DLG2: variants seen among roughly 807,000 people sequenced by gnomAD.
DLG2 encodes the protein discs large MAGUK scaffold protein 2.
In DLG2, 45 loss-of-function variants were observed where a neutral mutation model predicts 132.5. The observed-to-expected ratio is 0.34, with a 90% CI of 0.27 to 0.44. The LOEUF (loss-of-function observed/expected upper bound fraction) is 0.44, where lower values mean the gene tolerates loss of function less well. Ranked by LOEUF, DLG2 falls within the 20% of genes least tolerant of loss-of-function variation. The pLI, the probability that DLG2 is intolerant of heterozygous loss-of-function variation, is 1.00. For synonymous variants in DLG2, 424 were observed against 419.6 expected (o/e 1.01, Z -0.13); for missense variants, 1,045 against 1,196.9 (o/e 0.87, Z 1.87).
chr11:83,696,972 A>C (rs1239325930), intron 18 of DLG2, among the ~76,000 whole-genome samples: 1 of 152,242 alleles, frequency 6.6e-6, no homozygotes, highest in African/African-American at 2.4e-5. Context: ...TGCTGCTAAA[A>C]GCACCTTCAG....
Position 84,038,898 on chromosome 11 carries a change from T to G in DLG2, c.919+20417A>C, listed in dbSNP as rs186338046. ...GGGGAAAAACCCCTTATAAAACCAT[T>G]AGATCTTGTAAGAACTCACTCAATA... On this transcript the variant is annotated intron_variant, in intron 11 of 27. Coordinates refer to ENST00000376104, the MANE Select transcript of DLG2 (RefSeq NM_001142699.3). Among the ~76,000 whole-genome samples, 7 of 152,054 alleles carry G rather than the reference T, an allele frequency of 4.6e-5. No homozygotes were observed. The East Asian group carries it at 1.4e-3, about 30-fold the overall frequency.
chr11:84,880,924 T>C (rs1247690471), intron 6 of DLG2, among the ~76,000 whole-genome samples: 1 of 152,170 alleles, frequency 6.6e-6, no homozygotes, highest in Non-Finnish European at 1.5e-5. Context: ...GAGCACCTAT[T>C]ATGCAAGGCA....
intron 6 of DLG2, among the ~76,000 whole-genome samples, chr11:84,988,237 A>G (rs1346125371): frequency 6.6e-6 from 1 of 152,158 alleles, no homozygotes; most frequent in Non-Finnish European, 1.5e-5. Context: ...AAAAATAAAA[A>G]CAGATGTTGG....
At chr11:84,810,293 G>A (rs552858884) in intron 6 of DLG2, among the ~76,000 whole-genome samples, 99 of 152,186 alleles carry the variant, frequency 6.5e-4, no homozygotes, top group Non-Finnish European at 1.1e-3. Flanking sequence ...GAAATTAGGT[G>A]AAGATAGGAA....
Position 83,795,416 on chromosome 11 carries a change from A to AAAATCT in DLG2, c.1723-8625_1723-8624insAGATTT, listed in dbSNP as rs1555409459. Among the ~76,000 whole-genome samples the AAAATCT allele has an allele frequency of 2.2e-5, 3 of 136,254 alleles. No homozygotes were observed. In the East Asian group the frequency reaches 6.7e-4, roughly 30 times the overall value. The allele number at this position is 136,254 out of a possible 152,430, so 89.4% of individuals were successfully genotyped here. On this transcript the variant is annotated intron_variant, in intron 17 of 27. Coordinates refer to ENST00000376104, the MANE Select transcript of DLG2 (RefSeq NM_001142699.3). ...GAGTGAGACTCTTTATAAGAAAAAAAATATCTATATCTATATCTATATCTA... is the reference window on the plus strand; with the variant it reads ...GAGTGAGACTCTTTATAAGAAAAAAAAAATCTATATCTATATCTATATCTATATCTA...
chr11:84,945,721 TGAGA>T (rs1372940539), intron 6 of DLG2, among the ~76,000 whole-genome samples: 2 of 152,080 alleles, frequency 1.3e-5, no homozygotes, highest in Non-Finnish European at 2.9e-5. Context: ...TGCCTGTGGT[TGAGA>T]AAGAGGAAAC....
At chr11:83,935,528 G>T (rs1057134418) in intron 14 of DLG2, among the ~76,000 whole-genome samples, 1 of 152,136 alleles carries the variant, frequency 6.6e-6, no homozygotes, top group African/African-American at 2.4e-5. Context: ...TGTTATACAG[G>T]CCTTAAAGTA....
chr11:85,083,723 G>C (rs2067542822), intron 6 of DLG2, among the ~76,000 whole-genome samples: 1 of 152,086 alleles, frequency 6.6e-6, no homozygotes, highest in Non-Finnish European at 1.5e-5. Context: ...GAGAGTATGT[G>C]GGTTAAGATG....
chr11:85,261,828 G>A (rs774092153), intron 4 of DLG2, among the ~76,000 whole-genome samples: 12 of 152,076 alleles, frequency 7.9e-5, no homozygotes, highest in Non-Finnish European at 1.6e-4. Context: ...ATAAGGAGGC[G>A]GCCCTTAAAA....
intron 6 of DLG2, among the ~76,000 whole-genome samples, chr11:84,925,815 C>A (rs1290247130): frequency 1.3e-5 from 2 of 152,032 alleles, no homozygotes; most frequent in Non-Finnish European, 2.9e-5. Context: ...TAATGATGAA[C>A]CCTGCCATCA....
intron 18 of DLG2, among the ~76,000 whole-genome samples, chr11:83,648,313 G>T (rs956134153): frequency 2.6e-5 from 4 of 152,138 alleles, no homozygotes; most frequent in Non-Finnish European, 4.4e-5. Flanking sequence ...GAAGCATTGG[G>T]TAGACTAGAA....
In DLG2 at chr11:84,387,281, C is replaced by A. The variant is rs1193319009; in HGVS notation, c.520-135990G>T. ...ATAATACAGCAAAGGTGATGGATGT[C>A]ACCCTTTTTATTAGGTTACATTAAA... On this transcript the variant is annotated intron_variant, in intron 7 of 27. Transcript: ENST00000376104. Among the ~76,000 whole-genome samples the A allele has an allele frequency of 3.3e-5, 5 of 152,174 alleles. No homozygotes were observed. In the East Asian group the frequency reaches 9.7e-4, roughly 29 times the overall value.
intron 5 of DLG2, among the ~76,000 whole-genome samples, chr11:85,140,758 C>T (rs529741598): frequency 2.4e-4 from 36 of 151,920 alleles, no homozygotes; most frequent in Middle Eastern, 3.4e-3. Context: ...CCTTAGGTAG[C>T]CATCATTATA....
intron 19 of DLG2, among the ~76,000 whole-genome samples, chr11:83,572,411 G>A (rs2096812063): frequency 6.6e-6 from 1 of 152,120 alleles, no homozygotes; most frequent in Admixed American, 6.6e-5. Context: ...GAAAAGGAAG[G>A]TTGGAAATTG....
intron 6 of DLG2, among the ~76,000 whole-genome samples, chr11:84,863,831 C>T (rs2154031370): frequency 6.6e-6 from 1 of 152,178 alleles, no homozygotes; most frequent in South Asian, 2.1e-4. Flanking sequence ...GAATAAAGCC[C>T]AGCTGGGTTG....
intron 21 of DLG2, among the ~76,000 whole-genome samples, chr11:83,507,772 ATATATATATATATATATATATATATATG>A (rs1312535150): frequency 4.3e-5 from 3 of 69,484 alleles, no homozygotes; most frequent in African/African-American, 2.1e-4. Flanking sequence ...ATATATATAT[ATATATATATATATATATATATATATATG>A]TATATATGAG....
intron 18 of DLG2, among the ~76,000 whole-genome samples, chr11:83,767,347 C>T (rs558256880): frequency 6.6e-6 from 1 of 152,204 alleles, no homozygotes; most frequent in Non-Finnish European, 1.5e-5. Flanking sequence ...GAGAATTATC[C>T]CATCACCTGG....
chr11:84,671,027 A>C (rs1346995138), intron 6 of DLG2, among the ~76,000 whole-genome samples: 1 of 152,120 alleles, frequency 6.6e-6, no homozygotes, highest in Non-Finnish European at 1.5e-5. Context: ...GTGGGGTAAG[A>C]AGACAAGGGT....
intron 7 of DLG2, among the ~76,000 whole-genome samples, chr11:84,349,994 G>A (rs745827880): frequency 6.6e-6 from 1 of 151,932 alleles, no homozygotes; most frequent in Admixed American, 6.6e-5. Context: ...TAGCTAACAC[G>A]GTGAAACCCC....
Sources: allele counts gnomAD v4.1 joint callset (sites outside exome capture counted in the v4.1 genomes callset), GRCh38; gene constraint gnomAD v4.1.1; transcripts MANE v1.5; gene names NCBI Gene and HGNC (gene_info 2026-07-23, HGNC 2026-07-21).